The following IRAK1BP1 variants were observed in gnomAD, a reference collection of about 807,000 sequenced individuals.
The protein encoded by IRAK1BP1 is interleukin-1 receptor-associated kinase 1-binding protein 1.
In IRAK1BP1, 24 loss-of-function variants were observed where a neutral mutation model predicts 28.0. That is an observed-to-expected ratio of 0.86 (90% CI 0.62 to 1.20). The LOEUF is 1.20. IRAK1BP1 is among the 50% of genes most tolerant of loss of function. IRAK1BP1 has a pLI of 0.00. For missense variants in IRAK1BP1, 336 were observed against 316.7 expected (o/e 1.06, Z -0.46); for synonymous variants, 131 against 116.3 (o/e 1.13, Z -0.81).
chr6:78,871,586 A>G (rs926738322), intron 1 of IRAK1BP1: 10 of 956,742 alleles, frequency 1.0e-5, no homozygotes, highest in Admixed American at 6.2e-5. Context: ...CCCAAAATTT[A>G]TAGTTGAAAC....
chr6:78,904,137 A>G (rs933848760), downstream of IRAK1BP1, among the ~76,000 whole-genome samples: 2 of 152,234 alleles, frequency 1.3e-5, no homozygotes, highest in Non-Finnish European at 2.9e-5. Flanking sequence ...AATGCAGGAC[A>G]CATATTCAAA....
intron 1 of IRAK1BP1, among the ~76,000 whole-genome samples, chr6:78,876,569 A>G (rs559799270): frequency 2.0e-5 from 3 of 152,308 alleles, no homozygotes; most frequent in Admixed American, 6.5e-5. Context: ...TCTTGGCAGT[A>G]TTAACATTAT....
chr6:78,972,123 T>A, the IRAK1BP1 span, among the ~76,000 whole-genome samples: 3 of 152,190 alleles, frequency 2.0e-5, no homozygotes, highest in East Asian at 5.8e-4. Context: ...GACTTAAATG[T>A]CCCTGTCTGA....
the IRAK1BP1 span, among the ~76,000 whole-genome samples, chr6:78,975,027 G>A: frequency 1.9e-4 from 29 of 151,166 alleles, no homozygotes; most frequent in African/African-American, 6.6e-4. Flanking sequence ...ATTTTATGAG[G>A]CCAGCATCAT....
the IRAK1BP1 span, among the ~76,000 whole-genome samples, chr6:78,964,110 A>G: frequency 6.6e-6 from 1 of 152,168 alleles, no homozygotes; most frequent in African/African-American, 2.4e-5. Flanking sequence ...TCAAATTCAA[A>G]CTTTCTTTTT....
At chr6:78,968,669 T>A in the IRAK1BP1 span, among the ~76,000 whole-genome samples, 1 of 152,242 alleles carries the variant, frequency 6.6e-6, no homozygotes, top group Non-Finnish European at 1.5e-5. Flanking sequence ...ACTGTGTAAA[T>A]ACTGCTTGCT....
intron 2 of IRAK1BP1, among the ~76,000 whole-genome samples, chr6:78,891,451 G>C (rs1310510861): frequency 6.7e-6 from 1 of 149,416 alleles, no homozygotes; most frequent in Non-Finnish European, 1.5e-5. Flanking sequence ...TATAACCTTA[G>C]TGTTTAGAGG....
At chr6:78,970,843 G>A in the IRAK1BP1 span, 43 of 1,610,644 alleles carry the variant, frequency 2.7e-5, no homozygotes, top group Middle Eastern at 1.7e-4. Flanking sequence ...TTATTTTTCC[G>A]GGCCATTTCG....
chr6:78,948,412 A>C (rs142386187), downstream of IRAK1BP1, among the ~76,000 whole-genome samples: 1,813 of 152,332 alleles, frequency 0.012, 40 homozygotes, highest in African/African-American at 0.042. Context: ...AAACAGGAAG[A>C]GCAACAGAAA....
At chr6:78,913,243 G>C (rs1254244121) in intron 4 of IRAK1BP1, among the ~76,000 whole-genome samples, 1 of 151,842 alleles carries the variant, frequency 6.6e-6, no homozygotes, top group Non-Finnish European at 1.5e-5. Context: ...GCTGAGGCAG[G>C]AGAATCCCTT....
intron 1 of IRAK1BP1, among the ~76,000 whole-genome samples, chr6:78,882,310 T>G (rs1466870601): frequency 6.6e-6 from 1 of 152,086 alleles, no homozygotes; most frequent in Non-Finnish European, 1.5e-5. Context: ...TGGCCAAAGC[T>G]AGAACAATTG....
intron 1 of IRAK1BP1, among the ~76,000 whole-genome samples, chr6:78,877,267 C>T (rs566496046): frequency 6.6e-6 from 1 of 152,248 alleles, no homozygotes. Context: ...CTGTTAGAAA[C>T]TTTGGCTCTG....
intron 4 of IRAK1BP1, among the ~76,000 whole-genome samples, chr6:78,915,969 T>A (rs1772549423): frequency 6.6e-6 from 1 of 152,108 alleles, no homozygotes; most frequent in Non-Finnish European, 1.5e-5. Flanking sequence ...TGGACAAAAT[T>A]CACAAACAAA....
intron 4 of IRAK1BP1, among the ~76,000 whole-genome samples, chr6:78,914,691 C>T (rs960099652): frequency 1.3e-5 from 2 of 152,222 alleles, no homozygotes; most frequent in Non-Finnish European, 2.9e-5. Context: ...TGAATTGTCA[C>T]TGCCTACATG....
chr6:78,885,511 GAAAT>G, intron 2 of IRAK1BP1, 68 bp downstream of exon 2: 2 of 703,586 alleles, frequency 2.8e-6, no homozygotes, highest in Non-Finnish European at 4.7e-6. Flanking sequence ...TTCTTGAACT[GAAAT>G]GAATGGTGAA....
At chr6:78,973,977 A>C in the IRAK1BP1 span, among the ~76,000 whole-genome samples, 1 of 152,140 alleles carries the variant, frequency 6.6e-6, no homozygotes, top group East Asian at 1.9e-4. Context: ...CGAGACAGAA[A>C]GTTAACAAGG....
At chr6:78,975,574 A>T in the IRAK1BP1 span, among the ~76,000 whole-genome samples, 1 of 152,182 alleles carries the variant, frequency 6.6e-6, no homozygotes, top group African/African-American at 2.4e-5. Flanking sequence ...GGAAAAGAGG[A>T]AGTCAAATTG....
At chr6:78,891,504 C>T (rs1771661263) in intron 2 of IRAK1BP1, among the ~76,000 whole-genome samples, 1 of 151,464 alleles carries the variant, frequency 6.6e-6, no homozygotes, top group African/African-American at 2.4e-5. Flanking sequence ...TCTTGTCACC[C>T]AGGCTGGAGT....
chr6:78,886,874 T>G (rs560883249), intron 2 of IRAK1BP1, among the ~76,000 whole-genome samples: 7 of 152,328 alleles, frequency 4.6e-5, no homozygotes. Flanking sequence ...TTTAATGTTT[T>G]ATATTCAGAT....
Sources: gnomAD v4.1 joint callset for allele counts (sites outside exome capture counted in the v4.1 genomes callset) on GRCh38, gnomAD v4.1.1 for gene constraint, MANE v1.5 for transcripts, NCBI Gene and HGNC (gene_info 2026-07-23, HGNC 2026-07-21) for gene names.